Variants in COL4A5 observed in about 807,000 individuals in gnomAD.
The protein encoded by COL4A5 is collagen type IV alpha 5 chain.
In COL4A5, 26 loss-of-function variants were observed where a neutral mutation model predicts 130.2. The observed-to-expected ratio is 0.20, with a 90% CI of 0.15 to 0.28. The LOEUF (loss-of-function observed/expected upper bound fraction) is 0.28. COL4A5 is among the 10% of genes least tolerant of loss of function. The pLI is 1.00. For missense variants in COL4A5, 1,131 were observed against 1,344.3 expected (o/e 0.84, Z 2.48); for synonymous variants, 496 against 439.6 (o/e 1.13, Z -1.60).
At chrX:108,544,577 GT>G (rs201097744) in intron 2 of COL4A5, among the ~76,000 whole-genome samples, 3,350 of 110,943 alleles carry the variant, frequency 0.03, 118 homozygotes, top group African/African-American at 0.1. Flanking sequence ...TCTCTTTTTT[GT>G]TGTGTCTCTG....
At chrX:108,607,553 G>A (rs1189391023) in intron 29 of COL4A5, among the ~76,000 whole-genome samples, 3 of 91,403 alleles carry the variant, frequency 3.3e-5, no homozygotes, top group Non-Finnish European at 6.3e-5. Flanking sequence ...GCGTGATCTT[G>A]GCTCACTGCA....
intron 1 of COL4A5, among the ~76,000 whole-genome samples, chrX:108,525,832 C>T (rs1272726547): frequency 9.0e-6 from 1 of 111,313 alleles, no homozygotes; most frequent in Admixed American, 9.6e-5. Flanking sequence ...AGTAACACAC[C>T]TGCTTTATTA....
chrX:108,450,831 T>G (rs982606185), intron 1 of COL4A5, among the ~76,000 whole-genome samples: 5 of 110,675 alleles, frequency 4.5e-5, no homozygotes, highest in African/African-American at 1.6e-4. Flanking sequence ...GCTAGTTTTT[T>G]TATTTTTATT....
intron 2 of COL4A5, among the ~76,000 whole-genome samples, chrX:108,541,534 C>T (rs760568350): frequency 8.9e-6 from 1 of 112,245 alleles, no homozygotes; most frequent in East Asian, 2.8e-4. Context: ...AGACAAAAAC[C>T]CATGGTCTTA....
chrX:108,664,014 G>T (rs1426834698), intron 37 of COL4A5, among the ~76,000 whole-genome samples: 1 of 111,462 alleles, frequency 9.0e-6, no homozygotes, highest in African/African-American at 3.3e-5. Flanking sequence ...GTGAAACCCT[G>T]TCTCTACTAA....
chrX:108,459,592 G>A (rs1249408718), intron 1 of COL4A5, among the ~76,000 whole-genome samples: 2 of 112,035 alleles, frequency 1.8e-5, no homozygotes, highest in Non-Finnish European at 3.8e-5. Flanking sequence ...ACTATATATT[G>A]TAATCTATAT....
At chrX:108,606,933 T>C in intron 29 of COL4A5, 41 bp downstream of exon 29, 1 of 1,192,201 alleles carries the variant, frequency 8.4e-7, no homozygotes, top group Non-Finnish European at 1.1e-6. Flanking sequence ...CTTTTAACTT[T>C]TATAGAAATT....
chrX:108,529,349 T>A (rs1438120068), intron 1 of COL4A5, among the ~76,000 whole-genome samples: 1 of 111,046 alleles, frequency 9.0e-6, no homozygotes, highest in African/African-American at 3.3e-5. Flanking sequence ...AGGACAATAT[T>A]TAAGATCATG....
At chrX:108,465,546 C>T (rs763147012) in intron 1 of COL4A5, among the ~76,000 whole-genome samples, 6 of 111,554 alleles carry the variant, frequency 5.4e-5, no homozygotes, top group Non-Finnish European at 1.1e-4. Context: ...TTCTGTGGGT[C>T]GTATTTTCTT....
chrX:108,639,974 A>C (rs1206217273), intron 36 of COL4A5, among the ~76,000 whole-genome samples: 1 of 112,410 alleles, frequency 8.9e-6, no homozygotes, highest in Non-Finnish European at 1.9e-5. Flanking sequence ...GGAAAACATT[A>C]TGGCAGTTCT....
chrX:108,622,886 A>G, intron 33 of COL4A5, 61 bp downstream of exon 33: 1 of 1,079,758 alleles, frequency 9.3e-7, no homozygotes, highest in Non-Finnish European at 1.3e-6. Context: ...TAATTTTTAA[A>G]TAGCATGAAA....
At chrX:108,599,199 C>T (rs1203829020) in intron 25 of COL4A5, among the ~76,000 whole-genome samples, 1 of 111,583 alleles carries the variant, frequency 9.0e-6, no homozygotes, top group African/African-American at 3.3e-5. Flanking sequence ...CTAGAAACCC[C>T]TAACCTTTTC....
chrX:108,539,789 G>A lies in COL4A5; in HGVS notation c.125G>A (p.Gly42Asp), dbSNP rs767309553. 2 of 1,206,930 alleles carry A rather than the reference G, an allele frequency of 1.7e-6. No individual in the cohort carries two copies. The highest frequency in any genetic ancestry group is 5.9e-5 in the East Asian group (2 of 33,774). ...CSPGSKCDCS[G>D]IKGEKGERGF... ...CCAGGATCAAAGTGTGACTGCAGTG[G>A]CATAAAAGGGGAAAAGGTGAGGTCT... The change falls in exon 2 of 53, where the codon GGC (glycine) becomes GAC (aspartate). Residue 42 changes from glycine to aspartate, a missense_variant. Coordinates refer to ENST00000328300, the MANE Select transcript of COL4A5 (RefSeq NM_033380.3).
At chrX:108,608,519 A>G (rs1441649036) in intron 29 of COL4A5, among the ~76,000 whole-genome samples, 2 of 111,353 alleles carry the variant, frequency 1.8e-5, no homozygotes, top group Non-Finnish European at 3.8e-5. Flanking sequence ...TATTTGTCAC[A>G]TATCTATCCA....
chrX:108,465,792 T>C (rs1485814480), intron 1 of COL4A5, among the ~76,000 whole-genome samples: 1 of 111,740 alleles, frequency 8.9e-6, no homozygotes, highest in Non-Finnish European at 1.9e-5. Flanking sequence ...GTTTAATTTT[T>C]AAAAAAATTA....
intron 36 of COL4A5, among the ~76,000 whole-genome samples, chrX:108,638,674 A>G (rs1442376811): frequency 8.9e-6 from 1 of 112,218 alleles, no homozygotes; most frequent in Non-Finnish European, 1.9e-5. Context: ...AACTCTACAA[A>G]GATACCATAT....
At chrX:108,562,218 C>T (rs754344115) in intron 3 of COL4A5, among the ~76,000 whole-genome samples, 2 of 111,715 alleles carry the variant, frequency 1.8e-5, no homozygotes, top group African/African-American at 6.5e-5. Flanking sequence ...AACTTAGACA[C>T]GATCTTGTGA....
chrX:108,569,802 C>G (rs750119764), intron 6 of COL4A5, among the ~76,000 whole-genome samples: 1 of 110,462 alleles, frequency 9.1e-6, no homozygotes, highest in South Asian at 3.9e-4. Flanking sequence ...GCCTCAGCCT[C>G]CTGAGCAGCT....
At position 108,668,310 on chromosome X, in the gene COL4A5, C is replaced by T. The variant is rs761899179; in HGVS notation, c.3605-9C>T. 3.3e-6 allele frequency: 4 copies of T among 1,207,167 alleles called. No homozygotes were observed. In the Admixed American group the frequency reaches 8.7e-5, roughly 26 times the overall value. Reference sequence around the variant, plus strand: ...TTATTTATCTTCTAATTATACTTTACTTTCATAGGCCAAAAGGGTGATGGA... The same window carrying T: ...TTATTTATCTTCTAATTATACTTTATTTTCATAGGCCAAAAGGGTGATGGA... On this transcript the variant is annotated splice_polypyrimidine_tract_variant and intron_variant, in intron 40 of 52. Coordinates refer to ENST00000328300, the MANE Select transcript of COL4A5 (RefSeq NM_033380.3).
Sources: gnomAD v4.1 joint callset for allele counts (sites outside exome capture counted in the v4.1 genomes callset) on GRCh38, gnomAD v4.1.1 for gene constraint, MANE v1.5 for transcripts, NCBI Gene and HGNC (gene_info 2026-07-23, HGNC 2026-07-21) for gene names.